Variants in XKR9 observed in about 807,000 individuals in gnomAD.
The protein encoded by XKR9 is XK-related protein 9.
A neutral mutation model predicts 32.0 loss-of-function variants in XKR9; 32 were observed. The ratio of observed to expected loss-of-function variants is 1.00; its 90% CI spans 0.76 to 1.34. The LOEUF (loss-of-function observed/expected upper bound fraction) is 1.34, where lower values mean the gene tolerates loss of function less well. XKR9 is among the 40% of genes most tolerant of loss of function. XKR9 has a pLI of 0.00. For missense variants in XKR9, 546 were observed against 429.7 expected, an observed-to-expected ratio of 1.27 and a Z score of -2.39; for synonymous variants, 168 against 143.4, an observed-to-expected ratio of 1.17 and a Z score of -1.22.
At chr8:71,024,970 A>G in the XKR9 span, among the ~76,000 whole-genome samples, 1 of 152,222 alleles carries the variant, frequency 6.6e-6, no homozygotes, top group Non-Finnish European at 1.5e-5. Context: ...CTATAATAAT[A>G]GCTAGTGTTT....
intron 4 of XKR9, among the ~76,000 whole-genome samples, chr8:70,719,217 T>G (rs1050714219): frequency 2.0e-5 from 3 of 152,188 alleles, no homozygotes; most frequent in African/African-American, 7.2e-5. Flanking sequence ...CTTTGTCAGA[T>G]GGATAGACTG....
chr8:70,759,842 A>G (rs886944751), intron 2 of XKR9, among the ~76,000 whole-genome samples: 4 of 152,206 alleles, frequency 2.6e-5, no homozygotes, highest in Non-Finnish European at 4.4e-5. Flanking sequence ...ATTTATTCAT[A>G]TAAAAGAGCA....
the XKR9 span, among the ~76,000 whole-genome samples, chr8:71,013,647 G>A: frequency 6.6e-6 from 1 of 152,188 alleles, no homozygotes; most frequent in Non-Finnish European, 1.5e-5. Context: ...CTGCATGTGT[G>A]TTGCAGAATG....
chr8:70,892,643 C>T, the XKR9 span, among the ~76,000 whole-genome samples: 1 of 152,116 alleles, frequency 6.6e-6, no homozygotes, highest in East Asian at 1.9e-4. Context: ...TTTCTTTCAG[C>T]AATTTGAATG....
chr8:70,873,990 G>A, the XKR9 span, among the ~76,000 whole-genome samples: 1 of 152,150 alleles, frequency 6.6e-6, no homozygotes, highest in Non-Finnish European at 1.5e-5. Context: ...CAACCCTGAG[G>A]TGTAACCCTC....
the XKR9 span, among the ~76,000 whole-genome samples, chr8:70,931,751 G>A: frequency 2.6e-5 from 4 of 152,324 alleles, no homozygotes; most frequent in African/African-American, 9.6e-5. Context: ...TGTGGTGTGA[G>A]AGAAAGCAAG....
At chr8:70,849,747 G>C in the XKR9 span, among the ~76,000 whole-genome samples, 109 of 152,130 alleles carry the variant, frequency 7.2e-4, 1 homozygote, top group African/African-American at 2.5e-3. Context: ...AGAAAAGAGA[G>C]AAGAATCAAA....
the XKR9 span, among the ~76,000 whole-genome samples, chr8:70,967,992 G>T: frequency 3.9e-5 from 6 of 152,248 alleles, no homozygotes; most frequent in African/African-American, 1.4e-4. Flanking sequence ...GTCTTGCTAG[G>T]TTGAGGAAGT....
chr8:70,680,117 T>C (rs1819024477), intron 2 of XKR9, among the ~76,000 whole-genome samples: 1 of 152,098 alleles, frequency 6.6e-6, no homozygotes, highest in African/African-American at 2.4e-5. Context: ...CCATAAATAG[T>C]ATACAGTATT....
chr8:70,707,045 A>C lies in XKR9; in HGVS notation c.385A>C (p.Thr129Pro). ...ACATAAAGAAGTTATAGATAGAGTG[A>C]CTGATTTGAGCATGCTCAGACTATT... ...DLHKEVIDRV[T>P]DLSMLRLFET... Residue 129 changes from threonine to proline, a missense_variant, in exon 4 of 5, where the codon ACT becomes CCT. Transcript: ENST00000408926. 6.2e-7 allele frequency: 1 copy of C among 1,613,484 alleles called. No individual in the cohort carries two copies. The highest frequency in any genetic ancestry group is 1.1e-5 in the South Asian group (1 of 91,046).
intron 4 of XKR9, among the ~76,000 whole-genome samples, chr8:70,728,756 T>C (rs1806562174): frequency 6.6e-6 from 1 of 152,248 alleles, no homozygotes; most frequent in Non-Finnish European, 1.5e-5. Context: ...AAATGAACTT[T>C]AGTCTTATTG....
the XKR9 span, among the ~76,000 whole-genome samples, chr8:70,989,035 T>A: frequency 5.3e-5 from 8 of 152,234 alleles, no homozygotes; most frequent in Non-Finnish European, 1.2e-4. Context: ...TACACGTATG[T>A]ACAACACTTT....
chr8:70,844,251 C>T, the XKR9 span, among the ~76,000 whole-genome samples: 1 of 152,198 alleles, frequency 6.6e-6, no homozygotes, highest in Non-Finnish European at 1.5e-5. Context: ...ATGCCACTGA[C>T]AGTGACCCTG....
chr8:70,956,447 T>C, the XKR9 span, among the ~76,000 whole-genome samples: 1 of 152,288 alleles, frequency 6.6e-6, no homozygotes, highest in South Asian at 2.1e-4. Context: ...TTGGCCGAAC[T>C]GTCATCAGTG....
At chr8:70,894,136 C>T in the XKR9 span, among the ~76,000 whole-genome samples, 1 of 151,874 alleles carries the variant, frequency 6.6e-6, no homozygotes, top group Non-Finnish European at 1.5e-5. Flanking sequence ...GGAACCTGAG[C>T]CAATAGATCT....
chr8:70,983,890 G>T, the XKR9 span, among the ~76,000 whole-genome samples: 4,308 of 150,138 alleles, frequency 0.029, 177 homozygotes, highest in African/African-American at 0.1. Flanking sequence ...TTAAGTCGAA[G>T]CGAATGTAAT....
the XKR9 span, among the ~76,000 whole-genome samples, chr8:70,814,433 A>T: frequency 5.9e-3 from 894 of 152,072 alleles, 13 homozygotes; most frequent in African/African-American, 0.021. Context: ...CCTAAAACTT[A>T]AAAGTATAAT....
At chr8:70,672,641 G>C (rs1818752581) in intron 1 of XKR9, among the ~76,000 whole-genome samples, 1 of 151,938 alleles carries the variant, frequency 6.6e-6, no homozygotes, top group African/African-American at 2.4e-5. Flanking sequence ...ATACATCTCT[G>C]TACTGTTTTC....
At chr8:70,885,705 T>G in the XKR9 span, among the ~76,000 whole-genome samples, 3 of 152,050 alleles carry the variant, frequency 2.0e-5, no homozygotes, top group South Asian at 6.2e-4. Flanking sequence ...CACGCCATTC[T>G]CCTGCCTCAG....
Sources: allele counts gnomAD v4.1 joint callset (sites outside exome capture counted in the v4.1 genomes callset), GRCh38; gene constraint gnomAD v4.1.1; transcripts MANE v1.5; gene names NCBI Gene and HGNC (gene_info 2026-07-23, HGNC 2026-07-21).